CDK17: variants seen among roughly 807,000 people sequenced by gnomAD.
CDK17 encodes cyclin dependent kinase 17.
CDK17 carries 24 observed loss-of-function variants against 77.6 expected under a neutral mutation model. The ratio of observed to expected loss-of-function variants is 0.31; its 90% confidence interval spans 0.22 to 0.44. The LOEUF is 0.44. Among genes scored for constraint, CDK17 ranks in the 20% least tolerant of loss-of-function variants. The probability of loss-of-function intolerance (pLI) is 1.00; values close to 1 mark genes in which losing one functional copy is unlikely to be tolerated. For synonymous variants in CDK17, 203 were observed against 210.4 expected, an observed-to-expected ratio of 0.96 and a Z score of 0.30; for missense variants, 429 against 622.5, an observed-to-expected ratio of 0.69 and a Z score of 3.31.
At chr12:96,349,363 G>C (rs770589215) in intron 1 of CDK17, among the ~76,000 whole-genome samples, 2 of 152,034 alleles carry the variant, frequency 1.3e-5, no homozygotes, top group African/African-American at 2.4e-5. Flanking sequence ...TGAGGCGGGA[G>C]AATCGCTTAA....
At chr12:96,378,509 C>T (rs1332585868) in intron 1 of CDK17, among the ~76,000 whole-genome samples, 2 of 152,156 alleles carry the variant, frequency 1.3e-5, no homozygotes, top group Non-Finnish European at 2.9e-5. Context: ...AGGCCTGGTT[C>T]CTTTTACTGG....
intron 5 of CDK17, among the ~76,000 whole-genome samples, chr12:96,301,686 A>G (rs879509944): frequency 1.2e-4 from 18 of 152,182 alleles, no homozygotes; most frequent in South Asian, 4.1e-4. Flanking sequence ...CTCAGTTCTC[A>G]AAGGTGTATA....
intron 1 of CDK17, among the ~76,000 whole-genome samples, chr12:96,377,452 AAAG>A (rs1953796808): frequency 2.0e-5 from 3 of 152,204 alleles, no homozygotes; most frequent in South Asian, 2.1e-4. Context: ...ATGAGAATTC[AAAG>A]AAGGGAAAAA....
intron 5 of CDK17, among the ~76,000 whole-genome samples, chr12:96,309,219 C>A (rs767108838): frequency 2.0e-5 from 3 of 152,188 alleles, no homozygotes; most frequent in Admixed American, 6.5e-5. Context: ...GACATCTACA[C>A]CCAAACCTCT....
chr12:96,366,908 T>A (rs1281336216), intron 1 of CDK17, among the ~76,000 whole-genome samples: 4 of 152,228 alleles, frequency 2.6e-5, no homozygotes, highest in Non-Finnish European at 5.9e-5. Context: ...ACGCATATTT[T>A]AACCTCCTTA....
At chr12:96,330,976 T>A (rs190069127) in intron 2 of CDK17, among the ~76,000 whole-genome samples, 1 of 152,330 alleles carries the variant, frequency 6.6e-6, no homozygotes, top group East Asian at 1.9e-4. Context: ...AGATGCAGTC[T>A]AGCTCTGTTA....
chr12:96,364,203 ATTAAATT>A (rs1756272517), intron 1 of CDK17, among the ~76,000 whole-genome samples: 1 of 152,200 alleles, frequency 6.6e-6, no homozygotes, highest in Admixed American at 6.5e-5. Context: ...CAATACTGTA[ATTAAATT>A]TGCTATGAAC....
chr12:96,370,486 A>G (rs777230490), intron 1 of CDK17, among the ~76,000 whole-genome samples: 2 of 152,244 alleles, frequency 1.3e-5, no homozygotes, highest in African/African-American at 4.8e-5. Flanking sequence ...TATGCAATTC[A>G]GAGCAAGATC....
At chr12:96,391,099 A>G (rs1376395747) in intron 1 of CDK17, among the ~76,000 whole-genome samples, 1 of 149,104 alleles carries the variant, frequency 6.7e-6, no homozygotes, top group Non-Finnish European at 1.5e-5. Context: ...AAAAAAAAAG[A>G]AAAACAAAGC....
At chr12:96,293,227 T>C (rs1253123286) in intron 10 of CDK17, among the ~76,000 whole-genome samples, 1 of 152,150 alleles carries the variant, frequency 6.6e-6, no homozygotes, top group Non-Finnish European at 1.5e-5. Context: ...TTTGTAGAGA[T>C]GGGGTCTTGC....
intron 15 of CDK17, among the ~76,000 whole-genome samples, chr12:96,281,567 C>T (rs1354768258): frequency 6.6e-6 from 1 of 152,212 alleles, no homozygotes; most frequent in Non-Finnish European, 1.5e-5. Context: ...CGGGGTTTCC[C>T]CATGTTGGTC....
At chr12:96,380,195 A>C (rs12829581) in intron 1 of CDK17, among the ~76,000 whole-genome samples, 2 of 148,140 alleles carry the variant, frequency 1.4e-5, no homozygotes, top group Admixed American at 6.7e-5. Flanking sequence ...CAAAAAAAAA[A>C]CCCAAAAAAG....
rs1312537319 is a variant in CDK17, at chr12:96,311,138, T to C, written c.457A>G (p.Ile153Val). 6 of 1,591,888 alleles carry C rather than the reference T, an allele frequency of 3.8e-6. No homozygotes were observed. The African/African-American group carries it at 5.5e-5, about 15-fold the overall frequency. Reference sequence around the variant, plus strand: ...AACTTTTCAAGATATCCATCAGGTATTCTGATGTCTGCAGGCAGTGATAAC... The same window carrying C: ...AACTTTTCAAGATATCCATCAGGTACTCTGATGTCTGCAGGCAGTGATAAC... Reference protein sequence around the residue: ...KRLSLPADIRIPDGYLEKLQI... With the variant: ...KRLSLPADIRVPDGYLEKLQI... Residue 153 changes from isoleucine (I) to valine (V), a missense_variant, in exon 5 of 17, where the codon ATA becomes GTA. Coordinates refer to ENST00000261211, the MANE Select transcript of CDK17 (RefSeq NM_002595.5).
At chr12:96,312,299 C>T (rs768172804) in intron 4 of CDK17, among the ~76,000 whole-genome samples, 1 of 151,892 alleles carries the variant, frequency 6.6e-6, no homozygotes, top group Admixed American at 6.6e-5. Flanking sequence ...AAAATATATA[C>T]TATAAAAAGA....
At chr12:96,313,237 C>A in intron 4 of CDK17, 84 bp downstream of exon 4, 1 of 1,092,802 alleles carries the variant, frequency 9.2e-7, no homozygotes, top group Non-Finnish European at 1.3e-6. Flanking sequence ...TTTAAATGGG[C>A]ATTTACTCCA....
intron 1 of CDK17, among the ~76,000 whole-genome samples, chr12:96,388,255 A>T (rs1279620362): frequency 6.6e-6 from 1 of 152,238 alleles, no homozygotes; most frequent in Non-Finnish European, 1.5e-5. Flanking sequence ...TGGTTCAAAG[A>T]AATATTTGGT....
chr12:96,360,461 T>C (rs890675632), intron 1 of CDK17, among the ~76,000 whole-genome samples: 10 of 152,186 alleles, frequency 6.6e-5, no homozygotes, highest in Admixed American at 6.5e-4. Flanking sequence ...CTGGAGGGTA[T>C]CACATAATCT....
intron 3 of CDK17, among the ~76,000 whole-genome samples, chr12:96,320,767 G>C (rs1165662806): frequency 8.0e-6 from 1 of 125,282 alleles, no homozygotes; most frequent in African/African-American, 3.1e-5. Flanking sequence ...GGAGAAAGCT[G>C]AAACTGGATC....
rs987549044 is a variant in CDK17 at position 96,400,052 on chromosome 12, G to C, written c.-96C>G. On this transcript the variant is annotated 5_prime_UTR_variant, in exon 1 of 17. Transcript: ENST00000261211. ...GAGGCGCGGGGGGAAGCTGCTCCGC[G>C]GACGCCCGCGGCGACCGGATGCAAG... The C allele has an allele frequency of 5.2e-5, 20 of 387,590 alleles. No individual in the cohort carries two copies. Among genetic ancestry groups the C allele is most frequent in the Non-Finnish European group, 8.2e-5 (18 of 219,350 alleles). The allele number at this position is 387,590 out of a possible 1,614,324, so 24.0% of individuals were successfully genotyped here. A position where few individuals can be genotyped will look rare whatever the true frequency, so the allele number is the denominator to read the frequency against.
Sources: gnomAD v4.1 joint callset for allele counts (sites outside exome capture counted in the v4.1 genomes callset) on GRCh38, gnomAD v4.1.1 for gene constraint, MANE v1.5 for transcripts, NCBI Gene and HGNC (gene_info 2026-07-23, HGNC 2026-07-21) for gene names.